Variants in PPM1H observed in about 807,000 individuals in gnomAD.
PPM1H encodes protein phosphatase, Mg2+/Mn2+ dependent 1H.
Under a neutral mutation model 54.9 loss-of-function variants are expected in PPM1H, and 27 were observed. The observed-to-expected ratio is 0.49, with a 90% CI of 0.36 to 0.68. The LOEUF is 0.68. Ranked by LOEUF, PPM1H falls within the 30% of genes least tolerant of loss-of-function variation. The pLI is 0.00. For missense variants in PPM1H, 596 were observed against 667.8 expected (o/e 0.89, Z 1.19); for synonymous variants, 305 against 270.8 (o/e 1.13, Z -1.24).
At chr12:62,841,791 A>T (rs1041446351) in intron 1 of PPM1H, among the ~76,000 whole-genome samples, 1 of 152,164 alleles carries the variant, frequency 6.6e-6, no homozygotes, top group East Asian at 1.9e-4. Context: ...ATATAATTAA[A>T]TAACTGAGAA....
chr12:62,856,471 T>C lies in PPM1H; in HGVS notation c.246-24192A>G, dbSNP rs117692881. 7.0e-3 allele frequency among the ~76,000 whole-genome samples: 1,072 copies of C among 152,308 alleles called. 2 individuals are homozygous for C. Among genetic ancestry groups the C allele is most frequent in the Middle Eastern group, 0.017 (5 of 294 alleles). On this transcript the variant is annotated intron_variant, in intron 1 of 9. Coordinates refer to ENST00000228705, the MANE Select transcript of PPM1H (RefSeq NM_020700.2). ...TCATGTATTTGTTGTCTCTTTTTTT[T>C]ATTTTGTCAGATGAGATGGTACATC...
At position 62,647,339 on chromosome 12, in the gene PPM1H, A is replaced by T. The variant is rs1044108739; in HGVS notation, c.*1150T>A. 2 of 152,222 alleles carry T rather than the reference A, an allele frequency of 1.3e-5. No individual in the cohort carries two copies. Among genetic ancestry groups the T allele is most frequent in the African/African-American group, 4.8e-5 (2 of 41,446 alleles). 9.4% of individuals were successfully genotyped at this position (152,222 alleles called of 1,614,324 possible). On this transcript the variant is annotated 3_prime_UTR_variant, in exon 10 of 10. Coordinates refer to ENST00000228705, the MANE Select transcript of PPM1H (RefSeq NM_020700.2). The stretch of plus-strand genomic sequence containing the variant: ...GTGCCCCCCGAGGGGCCTTGCACAA[A>T]GATGATGGGGAGAGCAGAACTGCTG...
chr12:62,821,607 G>A (rs913413587), intron 2 of PPM1H, among the ~76,000 whole-genome samples: 1 of 152,166 alleles, frequency 6.6e-6, no homozygotes, highest in African/African-American at 2.4e-5. Flanking sequence ...GAAGAGAGTG[G>A]GGGCCAATAT....
At chr12:62,702,268 T>C (rs1475132862) in intron 6 of PPM1H, among the ~76,000 whole-genome samples, 4 of 152,234 alleles carry the variant, frequency 2.6e-5, no homozygotes, top group East Asian at 1.9e-4. Flanking sequence ...TATTCCTTTC[T>C]CAGTTCCTTA....
chr12:62,931,048 T>C (rs1482350317), intron 1 of PPM1H, among the ~76,000 whole-genome samples: 1 of 152,208 alleles, frequency 6.6e-6, no homozygotes, highest in Admixed American at 6.5e-5. Flanking sequence ...TTCTATAGCC[T>C]ATAGAGTCTC....
chr12:62,792,570 C>T (rs1426546153), intron 3 of PPM1H, among the ~76,000 whole-genome samples: 1 of 152,198 alleles, frequency 6.6e-6, no homozygotes, highest in East Asian at 1.9e-4. Flanking sequence ...TACAAGTGTC[C>T]TCTCTGGGAT....
chr12:62,837,269 G>A (rs555025408), intron 1 of PPM1H, among the ~76,000 whole-genome samples: 1 of 152,294 alleles, frequency 6.6e-6, no homozygotes, highest in African/African-American at 2.4e-5. Flanking sequence ...CTGATGACAT[G>A]ACACTTAGAA....
chr12:62,906,115 C>T (rs1302396776), intron 1 of PPM1H, among the ~76,000 whole-genome samples: 2 of 152,176 alleles, frequency 1.3e-5, no homozygotes, highest in Non-Finnish European at 2.9e-5. Flanking sequence ...CCAAAAATAA[C>T]TAGATCAGTT....
intron 6 of PPM1H, among the ~76,000 whole-genome samples, chr12:62,706,478 G>A (rs1205046702): frequency 2.0e-5 from 3 of 152,172 alleles, no homozygotes; most frequent in South Asian, 2.1e-4. Context: ...GTCACCTCAC[G>A]CCCAGCAGTT....
intron 4 of PPM1H, among the ~76,000 whole-genome samples, chr12:62,783,894 T>G (rs1413136649): frequency 6.6e-6 from 1 of 152,142 alleles, no homozygotes; most frequent in Non-Finnish European, 1.5e-5. Flanking sequence ...TCTCTAGAGA[T>G]GAAATGAAAT....
chr12:62,692,273 C>T lies in PPM1H; in HGVS notation c.1137+1663G>A, dbSNP rs901461751. Among the ~76,000 whole-genome samples the T allele has an allele frequency of 4.6e-5, 7 of 152,124 alleles. No individual in the cohort carries two copies. In the East Asian group the frequency reaches 7.7e-4, roughly 17 times the overall value. ...GCTTTTAAATAGGCCAACAGGTACA[C>T]GGACAGAACTTGCCACCTGCCCATC... On this transcript the variant is annotated intron_variant, in intron 7 of 9. Transcript: ENST00000228705.
chr12:62,755,482 T>C lies in PPM1H; in HGVS notation c.870-17896A>G, dbSNP rs1259654651. The C allele has an allele frequency of 1.9e-5, 13 of 679,518 alleles. No homozygotes were observed. The East Asian group carries it at 3.0e-4, about 16-fold the overall frequency. The allele number at this position is 679,518 out of a possible 1,614,324, so 42.1% of individuals were successfully genotyped here. A position where few individuals can be genotyped will look rare whatever the true frequency, so the allele number is the denominator to read the frequency against. On this transcript the variant is annotated intron_variant, in intron 4 of 9. Transcript: ENST00000228705. ...GGAGCGAGATCCCTCCAAAATCAGA[T>C]GGGGCAATGCTGGTGCTGAGTATAT... is the stretch of plus-strand genomic sequence containing the variant.
chr12:62,657,913 T>C (rs916422013), intron 9 of PPM1H, among the ~76,000 whole-genome samples: 2 of 152,130 alleles, frequency 1.3e-5, no homozygotes, highest in East Asian at 3.8e-4. Flanking sequence ...AGTGTGGACA[T>C]CAGGAAGGCT....
At chr12:62,847,978 T>C (rs1592633388) in intron 1 of PPM1H, among the ~76,000 whole-genome samples, 1 of 152,208 alleles carries the variant, frequency 6.6e-6, no homozygotes, top group Non-Finnish European at 1.5e-5. Context: ...ATAGATCTCA[T>C]TGTTCCAGAA....
intron 5 of PPM1H, among the ~76,000 whole-genome samples, chr12:62,728,603 C>T (rs915985244): frequency 6.6e-6 from 1 of 152,206 alleles, no homozygotes; most frequent in African/African-American, 2.4e-5. Context: ...GTAAGCCTCT[C>T]ACTAGGCAAG....
chr12:62,830,242 T>G (rs1868335603), intron 2 of PPM1H, among the ~76,000 whole-genome samples: 6 of 151,756 alleles, frequency 4.0e-5, no homozygotes, highest in Admixed American at 3.9e-4. Context: ...TCCTTTATAT[T>G]TTATTTATTT....
At chr12:62,796,555 G>A (rs1414930372) in intron 3 of PPM1H, among the ~76,000 whole-genome samples, 1 of 152,166 alleles carries the variant, frequency 6.6e-6, no homozygotes, top group Admixed American at 6.5e-5. Context: ...AGATGCATAC[G>A]GTGTGGAGCT....
At chr12:62,746,184 G>C (rs2076409394) in intron 4 of PPM1H, among the ~76,000 whole-genome samples, 8 of 151,966 alleles carry the variant, frequency 5.3e-5, no homozygotes, top group Admixed American at 5.2e-4. Context: ...AACAGAGCAA[G>C]ATCCTGTCTC....
intron 8 of PPM1H, among the ~76,000 whole-genome samples, chr12:62,683,033 T>TTTTTTTTTTTTATTA (rs1491110813): frequency 1.7e-4 from 23 of 133,672 alleles, no homozygotes; most frequent in Non-Finnish European, 3.3e-4. Flanking sequence ...GAGTTTATTA[T>TTTTTTTTTTTTATTA]TTATTATTAT....
Sources: allele counts gnomAD v4.1 joint callset (sites outside exome capture counted in the v4.1 genomes callset), GRCh38; gene constraint gnomAD v4.1.1; transcripts MANE v1.5; gene names NCBI Gene and HGNC (gene_info 2026-07-23, HGNC 2026-07-21).